Variants in ATXN8OS observed in about 807,000 individuals in gnomAD.
ATXN8OS encodes ATXN8 opposite strand lncRNA, also known as ATXN8 opposite strand (non-protein coding).
At chr13:70,168,950 GTTGTT>G (rs1889111191) in intron 4 of ATXN8OS, among the ~76,000 whole-genome samples, 1 of 152,012 alleles carries the variant, frequency 6.6e-6, no homozygotes, top group Non-Finnish European at 1.5e-5. Context: ...CTATCACATG[GTTGTT>G]TTGTTTGTTA....
At chr13:70,157,851 C>T (rs1888956786) in intron 4 of ATXN8OS, among the ~76,000 whole-genome samples, 1 of 152,014 alleles carries the variant, frequency 6.6e-6, no homozygotes, top group Admixed American at 6.6e-5. Flanking sequence ...ACAGGAAAGA[C>T]AAAAAATACA....
intron 4 of ATXN8OS, among the ~76,000 whole-genome samples, chr13:70,168,005 C>A (rs1475417351): frequency 6.6e-6 from 1 of 152,022 alleles, no homozygotes; most frequent in African/African-American, 2.4e-5. Flanking sequence ...GGCTTACAGG[C>A]GTGAGCCACC....
Position 70,171,593 on chromosome 13 carries a change from T to C in ATXN8OS, n.2414T>C, listed in dbSNP as rs191400976. On this transcript the variant is annotated non_coding_transcript_exon_variant, in exon 5 of 5. Coordinates refer to ENST00000678624, the Ensembl canonical transcript of ATXN8OS. The stretch of plus-strand genomic sequence containing the variant: ...CACTAATTTTTCAGCTTCATCATAA[T>C]CTTAGGGAACTACCCTGGTATATGC... 1.1e-3 allele frequency among the ~76,000 whole-genome samples: 169 copies of C among 152,254 alleles called. 2 individuals carry two copies. Among genetic ancestry groups the C allele is most frequent in the South Asian group, 0.011 (51 of 4,834 alleles).
At chr13:70,115,307 A>G (rs899335387) in intron 2 of ATXN8OS, 2 of 398,020 alleles carry the variant, frequency 5.0e-6, no homozygotes, top group Non-Finnish European at 4.4e-6. Flanking sequence ...CTGTAAGTCC[A>G]TTTTATAATG....
intron 4 of ATXN8OS, among the ~76,000 whole-genome samples, chr13:70,160,903 A>G (rs1889002091): frequency 6.7e-6 from 1 of 149,654 alleles, no homozygotes; most frequent in African/African-American, 2.4e-5. Context: ...TCAATATAAA[A>G]TAATTATAAC....
At chr13:70,143,676 T>C (rs1240507463) in intron 3 of ATXN8OS, among the ~76,000 whole-genome samples, 2 of 152,286 alleles carry the variant, frequency 1.3e-5, no homozygotes, top group African/African-American at 2.4e-5. Context: ...TTTCTGCACA[T>C]AAATGTTTTT....
chr13:70,130,055 T>C (rs1888508276), intron 3 of ATXN8OS, among the ~76,000 whole-genome samples: 2 of 152,020 alleles, frequency 1.3e-5, no homozygotes, highest in Non-Finnish European at 2.9e-5. Context: ...ATAAGTTAAG[T>C]GCATGGACCA....
chr13:70,140,559 G>T, intron 3 of ATXN8OS, among the ~76,000 whole-genome samples: 1 of 140,578 alleles, frequency 7.1e-6, no homozygotes, highest in Admixed American at 7.1e-5. Flanking sequence ...GAGAAGAAAT[G>T]TTAAAGTCAT....
At chr13:70,155,909 T>C (rs1026836034) in intron 4 of ATXN8OS, among the ~76,000 whole-genome samples, 24 of 152,188 alleles carry the variant, frequency 1.6e-4, no homozygotes, top group African/African-American at 5.8e-4. Context: ...TTTCTGCTTC[T>C]TTCTCTTATA....
At chr13:70,162,178 T>G (rs927239682) in intron 4 of ATXN8OS, among the ~76,000 whole-genome samples, 1 of 152,074 alleles carries the variant, frequency 6.6e-6, no homozygotes, top group Non-Finnish European at 1.5e-5. Context: ...AGCCTGACAT[T>G]TGAAGACGTT....
chr13:70,141,323 A>C (rs1255487696), intron 3 of ATXN8OS, among the ~76,000 whole-genome samples: 4 of 152,168 alleles, frequency 2.6e-5, no homozygotes, highest in African/African-American at 9.7e-5. Flanking sequence ...CTCCTTACAT[A>C]TTGCACAGTG....
intron 4 of ATXN8OS, among the ~76,000 whole-genome samples, chr13:70,154,427 C>G (rs1241820908): frequency 6.6e-6 from 1 of 152,072 alleles, no homozygotes; most frequent in African/African-American, 2.4e-5. Context: ...TCTGCATCTG[C>G]TATTTTTGGT....
intron 2 of ATXN8OS, among the ~76,000 whole-genome samples, chr13:70,127,930 G>A (rs932200634): frequency 1.3e-5 from 2 of 151,948 alleles, no homozygotes; most frequent in Non-Finnish European, 2.9e-5. Context: ...ATGAGTGAGC[G>A]AGTTTTCACT....
chr13:70,139,245 C>T (rs1483180599), intron 3 of ATXN8OS: 5 of 454,238 alleles, frequency 1.1e-5, no homozygotes, highest in Non-Finnish European at 1.9e-5. Context: ...ATTCAGATTG[C>T]CTTTTCTGAC....
chr13:70,151,731 AGTT>A (rs1009693312), intron 4 of ATXN8OS, among the ~76,000 whole-genome samples: 5 of 152,122 alleles, frequency 3.3e-5, no homozygotes, highest in African/African-American at 9.6e-5. Context: ...CGATGATTAA[AGTT>A]GTATTTCAAC....
chr13:70,139,610 C>G (rs1249880006), intron 3 of ATXN8OS, among the ~76,000 whole-genome samples: 1 of 152,062 alleles, frequency 6.6e-6, no homozygotes, highest in Non-Finnish European at 1.5e-5. Context: ...TGTGCATTCT[C>G]AGTCCTCACA....
chr13:70,153,135 T>C (rs181612580), intron 4 of ATXN8OS, among the ~76,000 whole-genome samples: 1 of 151,898 alleles, frequency 6.6e-6, no homozygotes, highest in Admixed American at 6.6e-5. Context: ...TATGACAATA[T>C]TTAAGTGAGT....
intron 2 of ATXN8OS, among the ~76,000 whole-genome samples, chr13:70,129,121 A>C (rs988155317): frequency 6.6e-6 from 1 of 152,088 alleles, no homozygotes; most frequent in Admixed American, 6.6e-5. Flanking sequence ...CGGCCTCCCA[A>C]AGTGCTGGGA....
At chr13:70,123,986 TTTA>T (rs754921376) in intron 2 of ATXN8OS, among the ~76,000 whole-genome samples, 2 of 152,156 alleles carry the variant, frequency 1.3e-5, no homozygotes, top group African/African-American at 2.4e-5. Context: ...CAGGATTGAA[TTTA>T]TTTTGTTAAT....
Sources: allele counts gnomAD v4.1 joint callset (sites outside exome capture counted in the v4.1 genomes callset), GRCh38; gene constraint gnomAD v4.1.1; transcripts MANE v1.5; gene names NCBI Gene and HGNC (gene_info 2026-07-23, HGNC 2026-07-21).